APLF: variants seen among roughly 807,000 people sequenced by gnomAD.
APLF encodes the protein aprataxin and PNKP like factor.
In APLF, 61 loss-of-function variants were observed where a neutral mutation model predicts 55.6. The ratio of observed to expected loss-of-function variants is 1.10; its 90% CI spans 0.89 to 1.36. The LOEUF is 1.36. Among genes scored for constraint, APLF ranks in the 40% most tolerant of loss-of-function variants. The pLI, the probability that APLF is intolerant of heterozygous loss-of-function variation, is 0.00. For synonymous variants in APLF, 207 were observed against 214.8 expected, an observed-to-expected ratio of 0.96 and a Z score of 0.32; for missense variants, 611 against 602.5, an observed-to-expected ratio of 1.01 and a Z score of -0.15.
At chr2:68,567,991 C>T (rs779344263) in intron 9 of APLF, among the ~76,000 whole-genome samples, 55 of 152,120 alleles carry the variant, frequency 3.6e-4, no homozygotes, top group Middle Eastern at 6.8e-3. Context: ...TCACCATGGC[C>T]ACTGATTAGT....
chr2:68,511,155 A>G lies in APLF; in HGVS notation c.342-1925A>G, dbSNP rs1659705183. ...CCACTGGATAGTACACTTTAACAGG[A>G]TGAATCTTATGACTATATGGATTAT... On this transcript the variant is annotated intron_variant, in intron 3 of 9. Transcript: ENST00000303795. 2.0e-5 allele frequency among the ~76,000 whole-genome samples: 3 copies of G among 151,794 alleles called. No homozygotes were observed. The South Asian group carries it at 6.2e-4, about 31-fold the overall frequency.
intron 5 of APLF, among the ~76,000 whole-genome samples, chr2:68,518,219 A>T (rs535529439): frequency 1.7e-5 from 2 of 120,568 alleles, no homozygotes; most frequent in African/African-American, 6.6e-5. Context: ...TATATCGTTA[A>T]TATATAATAG....
intron 9 of APLF, among the ~76,000 whole-genome samples, chr2:68,572,041 G>A (rs1671484201): frequency 6.6e-6 from 1 of 151,928 alleles, no homozygotes; most frequent in Non-Finnish European, 1.5e-5. Context: ...ACATGTATGT[G>A]CTTATATATA....
In APLF at chr2:68,513,655, C is replaced by T; in HGVS notation, c.597C>T (p.Asn199=). The change falls in exon 5 of 10, where the codon AAC becomes AAT. Residue 199 remains asparagine (N), a synonymous_variant. Transcript: ENST00000303795. The part of the protein sequence containing the change: ...WMLAEHLSDQ[N]LSVPAISGGN... ...TAGCAGAACATTTAAGTGATCAAAACCTTTCAGTACCAGCAATCAGTGGAG... is the reference window on the plus strand; with the variant it reads ...TAGCAGAACATTTAAGTGATCAAAATCTTTCAGTACCAGCAATCAGTGGAG... The T allele has an allele frequency of 2.5e-6, 4 of 1,611,136 alleles. No individual in the cohort carries two copies. The highest frequency in any genetic ancestry group is 3.4e-6 in the Non-Finnish European group (4 of 1,178,068).
At chr2:68,517,134 C>A (rs13006675) in intron 5 of APLF, among the ~76,000 whole-genome samples, 5 of 122,204 alleles carry the variant, frequency 4.1e-5, no homozygotes, top group African/African-American at 1.6e-4. Flanking sequence ...TGATCTATAA[C>A]ATATTAATAT....
At chr2:68,472,532 G>T (rs545229852) in intron 1 of APLF, among the ~76,000 whole-genome samples, 1 of 152,152 alleles carries the variant, frequency 6.6e-6, no homozygotes, top group South Asian at 2.1e-4. Flanking sequence ...AATAATCAGA[G>T]CTTAGTCCTC....
intron 1 of APLF, among the ~76,000 whole-genome samples, chr2:68,479,568 T>C (rs987047006): frequency 1.3e-5 from 2 of 152,204 alleles, no homozygotes; most frequent in African/African-American, 4.8e-5. Flanking sequence ...GCAGTGCCAG[T>C]TACCAAACCA....
At chr2:68,532,132 T>TTTA (rs1670275648) in intron 6 of APLF, among the ~76,000 whole-genome samples, 1 of 152,188 alleles carries the variant, frequency 6.6e-6, no homozygotes, top group African/African-American at 2.4e-5. Flanking sequence ...AGTTTGAGTC[T>TTTA]GAACACTGAA....
At chr2:68,512,964 C>A in intron 3 of APLF, 116 bp from the exon 4 acceptor site, 1 of 806,864 alleles carries the variant, frequency 1.2e-6, no homozygotes, top group Non-Finnish European at 2.0e-6. Flanking sequence ...ATACTATAAT[C>A]TGCTTTTTTT....
chr2:68,490,376 C>A, intron 2 of APLF, 115 bp downstream of exon 2: 1 of 681,640 alleles, frequency 1.5e-6, no homozygotes, highest in Non-Finnish European at 2.3e-6. Context: ...CAGAATATAC[C>A]CTTCTCATTG....
intron 2 of APLF, 92 bp downstream of exon 2, chr2:68,490,353 A>G: frequency 9.9e-7 from 1 of 1,005,512 alleles, no homozygotes; most frequent in Middle Eastern, 2.1e-4. Context: ...TTATGGGAAT[A>G]GGGAATTAAT....
In APLF at chr2:68,579,155, T is replaced by C; in HGVS notation, c.*1133T>C. The stretch of plus-strand genomic sequence containing the variant: ...ACCTAAAAATTTATATCTTAAAAGA[T>C]CAAAACATATTTATAATAATATTTT... On this transcript the variant is annotated 3_prime_UTR_variant, in exon 10 of 10. Transcript: ENST00000303795. 2.5e-6 allele frequency: 2 copies of C among 801,012 alleles called. No individual in the cohort carries two copies. The highest frequency in any genetic ancestry group is 3.0e-6 in the Non-Finnish European group (2 of 662,154). The allele number at this position is 801,012 out of a possible 1,614,324, so 49.6% of individuals were successfully genotyped here. A position where few individuals can be genotyped will look rare whatever the true frequency, so the allele number is the denominator to read the frequency against.
chr2:68,505,753 G>A (rs1390933835), intron 3 of APLF, among the ~76,000 whole-genome samples: 1 of 152,008 alleles, frequency 6.6e-6, no homozygotes, highest in African/African-American at 2.4e-5. Flanking sequence ...CACTCTCCCA[G>A]CACATGGACA....
intron 2 of APLF, among the ~76,000 whole-genome samples, chr2:68,496,264 G>A (rs1676543709): frequency 1.3e-5 from 2 of 152,144 alleles, no homozygotes; most frequent in Non-Finnish European, 2.9e-5. Flanking sequence ...ACCACGCCCG[G>A]CTAATTTTTT....
intron 8 of APLF, among the ~76,000 whole-genome samples, chr2:68,565,219 C>G (rs1671269818): frequency 6.6e-6 from 1 of 152,048 alleles, no homozygotes; most frequent in South Asian, 2.1e-4. Context: ...CAATAACACT[C>G]TATTTTTCTT....
chr2:68,494,546 T>C (rs985661417), intron 2 of APLF, among the ~76,000 whole-genome samples: 17 of 151,992 alleles, frequency 1.1e-4, no homozygotes, highest in African/African-American at 3.9e-4. Context: ...GCAGGTTTAT[T>C]ACCTAGGTGA....
intron 2 of APLF, among the ~76,000 whole-genome samples, chr2:68,492,204 C>T (rs1246350876): frequency 2.0e-5 from 3 of 151,906 alleles, no homozygotes; most frequent in African/African-American, 7.3e-5. Context: ...TAAGGCTGGG[C>T]GCGGTGGCTC....
rs575294763 is a variant in APLF, at chr2:68,578,723, C to G, written c.*701C>G. The G allele has an allele frequency of 9.1e-6, 9 of 984,886 alleles. No individual in the cohort carries two copies. In the African/African-American group the frequency reaches 1.2e-4, roughly 13 times the overall value. The allele number at this position is 984,886 out of a possible 1,614,324, so 61.0% of individuals were successfully genotyped here. A position where few individuals can be genotyped will look rare whatever the true frequency, so the allele number is the denominator to read the frequency against. On this transcript the variant is annotated 3_prime_UTR_variant, in exon 10 of 10. Coordinates refer to ENST00000303795, the MANE Select transcript of APLF (RefSeq NM_173545.3). Reference sequence around the variant, plus strand: ...AAAAAACTTGACCTTTTTTTTCAAACTAAAGTCCTAGCTGATTATTTTAAC... The same window carrying G: ...AAAAAACTTGACCTTTTTTTTCAAAGTAAAGTCCTAGCTGATTATTTTAAC...
intron 2 of APLF, among the ~76,000 whole-genome samples, chr2:68,492,724 G>A (rs1201744429): frequency 6.6e-6 from 1 of 152,020 alleles, no homozygotes; most frequent in Non-Finnish European, 1.5e-5. Flanking sequence ...ACATTAACAG[G>A]TGTCTTTTGA....
Sources: gnomAD v4.1 joint callset for allele counts (sites outside exome capture counted in the v4.1 genomes callset) on GRCh38, gnomAD v4.1.1 for gene constraint, MANE v1.5 for transcripts, NCBI Gene and HGNC (gene_info 2026-07-23, HGNC 2026-07-21) for gene names.